The following RAD51B variants were observed in gnomAD, a reference collection of about 807,000 sequenced individuals.
RAD51B encodes the protein RAD51 paralog B, also known as DNA repair protein RAD51 homolog 2.
Under a neutral mutation model 42.2 loss-of-function variants are expected in RAD51B, and 38 were observed. The observed-to-expected ratio is 0.90, with a 90% CI of 0.70 to 1.18. The LOEUF (loss-of-function observed/expected upper bound fraction) is 1.18, where lower values mean the gene tolerates loss of function less well. RAD51B is among the 50% of genes most tolerant of loss of function. The pLI is 0.00. For missense variants in RAD51B, 373 were observed against 400.7 expected (o/e 0.93, Z 0.59); for synonymous variants, 154 against 145.2 (o/e 1.06, Z -0.43).
At chr14:67,895,304 C>T (rs181355542) in intron 7 of RAD51B, among the ~76,000 whole-genome samples, 28 of 152,270 alleles carry the variant, frequency 1.8e-4, no homozygotes, top group Admixed American at 1.6e-3. Context: ...GAGTGGCAAT[C>T]TTGTTTTCCA....
chr14:67,943,367 A>C (rs7153470), intron 7 of RAD51B, among the ~76,000 whole-genome samples: 9,104 of 152,176 alleles, frequency 0.06, 637 homozygotes, highest in African/African-American at 0.17. Flanking sequence ...TTAGGGAGGA[A>C]GAAGGAGGTT....
At chr14:67,890,544 C>G (rs1349636865) in intron 7 of RAD51B, among the ~76,000 whole-genome samples, 1 of 151,772 alleles carries the variant, frequency 6.6e-6, no homozygotes. Flanking sequence ...ATGTGCCATG[C>G]TGGTGCGCTG....
chr14:68,144,197 C>T (rs1416631998), intron 7 of RAD51B, among the ~76,000 whole-genome samples: 4 of 152,206 alleles, frequency 2.6e-5, no homozygotes, highest in Non-Finnish European at 5.9e-5. Flanking sequence ...CCAGAGAGCT[C>T]TTGGTCATTT....
intron 10 of RAD51B, among the ~76,000 whole-genome samples, chr14:68,578,753 C>T (rs1890079699): frequency 1.3e-5 from 2 of 152,170 alleles, no homozygotes; most frequent in Non-Finnish European, 1.5e-5. Flanking sequence ...ACTCAGGTAC[C>T]CTGCCCAGAT....
chr14:68,182,673 C>G (rs1044803381), intron 7 of RAD51B, among the ~76,000 whole-genome samples: 1 of 152,194 alleles, frequency 6.6e-6, no homozygotes, highest in Non-Finnish European at 1.5e-5. Context: ...ATTGTAGAAA[C>G]TGAAAGAGAC....
At chr14:68,367,103 T>C (rs553759849) in intron 8 of RAD51B, among the ~76,000 whole-genome samples, 6 of 152,322 alleles carry the variant, frequency 3.9e-5, no homozygotes, top group African/African-American at 7.2e-5. Flanking sequence ...CTTTATAAAA[T>C]GCAGGAAGGG....
intron 8 of RAD51B, among the ~76,000 whole-genome samples, chr14:68,409,522 A>G (rs1216641175): frequency 6.6e-6 from 1 of 152,246 alleles, no homozygotes; most frequent in Non-Finnish European, 1.5e-5. Flanking sequence ...AAACAAAGGC[A>G]GAAAAAGGAA....
chr14:68,262,691 A>G (rs189882682), intron 7 of RAD51B, among the ~76,000 whole-genome samples: 261 of 152,188 alleles, frequency 1.7e-3, no homozygotes, highest in Non-Finnish European at 2.6e-3. Context: ...CATTTGTGAA[A>G]ATTGCAGAAG....
intron 9 of RAD51B, among the ~76,000 whole-genome samples, chr14:68,465,987 TAAA>T (rs1250574716): frequency 6.6e-6 from 1 of 150,654 alleles, no homozygotes; most frequent in Non-Finnish European, 1.5e-5. Context: ...AATAAATAAA[TAAA>T]TAAATTCACA....
chr14:68,361,620 GCTTGTTTCATGTAT>G (rs1566832953), intron 8 of RAD51B, among the ~76,000 whole-genome samples: 1 of 151,496 alleles, frequency 6.6e-6, no homozygotes, highest in Admixed American at 6.6e-5. Context: ...GTCTCCTGGT[GCTTGTTTCATGTAT>G]CTTATTCCCT....
chr14:68,526,388 C>T (rs1467788639), intron 10 of RAD51B, among the ~76,000 whole-genome samples: 1 of 152,202 alleles, frequency 6.6e-6, no homozygotes, highest in East Asian at 1.9e-4. Flanking sequence ...GTTTCCACAG[C>T]AACAAACCCA....
chr14:68,533,816 A>C (rs112862711), intron 10 of RAD51B, among the ~76,000 whole-genome samples: 4 of 152,322 alleles, frequency 2.6e-5, no homozygotes, highest in African/African-American at 9.6e-5. Flanking sequence ...AACTCAGTGG[A>C]ATTACTTTCT....
At chr14:68,161,958 T>C (rs1269212078) in intron 7 of RAD51B, among the ~76,000 whole-genome samples, 2 of 152,220 alleles carry the variant, frequency 1.3e-5, no homozygotes, top group African/African-American at 4.8e-5. Context: ...AGTGTGGTGC[T>C]ACTGTATAGA....
At chr14:68,340,583 A>G (rs1303368962) in intron 8 of RAD51B, among the ~76,000 whole-genome samples, 1 of 152,194 alleles carries the variant, frequency 6.6e-6, no homozygotes, top group Admixed American at 6.5e-5. Flanking sequence ...TCCTTCTGTA[A>G]CCTCAGGATG....
chr14:68,207,399 G>A (rs765185866), intron 7 of RAD51B, among the ~76,000 whole-genome samples: 18 of 152,244 alleles, frequency 1.2e-4, no homozygotes, highest in African/African-American at 4.1e-4. Context: ...AGGCAAAATG[G>A]TAGAGATGTT....
At chr14:68,575,257 G>C (rs56112360) in intron 10 of RAD51B, among the ~76,000 whole-genome samples, 1 of 152,160 alleles carries the variant, frequency 6.6e-6, no homozygotes, top group Non-Finnish European at 1.5e-5. Flanking sequence ...TGAGGGACTC[G>C]AGTCTCTGAG....
intron 7 of RAD51B, among the ~76,000 whole-genome samples, chr14:67,958,581 G>C (rs2074597313): frequency 6.6e-6 from 1 of 152,186 alleles, no homozygotes; most frequent in African/African-American, 2.4e-5. Context: ...TCAGATAAAA[G>C]CTATAGTAAA....
chr14:68,053,191 G>A (rs934456677), intron 7 of RAD51B, among the ~76,000 whole-genome samples: 9 of 152,154 alleles, frequency 5.9e-5, no homozygotes, highest in African/African-American at 1.9e-4. Flanking sequence ...TGGGAACTGG[G>A]AAGCTTTTAT....
intron 7 of RAD51B, among the ~76,000 whole-genome samples, chr14:68,013,113 C>T (rs538524509): frequency 2.0e-4 from 31 of 152,208 alleles, no homozygotes; most frequent in South Asian, 8.3e-4. Context: ...AAAGGCTAGG[C>T]ACTATAATCA....
Sources: allele counts gnomAD v4.1 joint callset (sites outside exome capture counted in the v4.1 genomes callset), GRCh38; gene constraint gnomAD v4.1.1; transcripts MANE v1.5; gene names NCBI Gene and HGNC (gene_info 2026-07-23, HGNC 2026-07-21).